MECOM: variants seen among roughly 807,000 people sequenced by gnomAD.
The protein encoded by MECOM is histone-lysine N-methyltransferase MECOM.
Under a neutral mutation model 116.3 loss-of-function variants are expected in MECOM, and 13 were observed. The observed-to-expected ratio is 0.11, with a 90% CI of 0.07 to 0.18. The LOEUF (loss-of-function observed/expected upper bound fraction) is 0.18, where lower values mean the gene tolerates loss of function less well. MECOM is among the 10% of genes least tolerant of loss of function. MECOM has a pLI of 1.00. For synonymous variants in MECOM, 528 were observed against 535.2 expected (o/e 0.99, Z 0.19); for missense variants, 1,299 against 1,509.0 (o/e 0.86, Z 2.31).
rs1776583624 is a variant in MECOM at position 169,663,389 on chromosome 3, C to T, written c.-17G>A. ...GGATCTCATGCTGTGCCCAGTCCTGCAGCCGCTGGTGTGTGGTTGGGGCTT... is the reference window on the plus strand; with the variant it reads ...GGATCTCATGCTGTGCCCAGTCCTGTAGCCGCTGGTGTGTGGTTGGGGCTT... On this transcript the variant is annotated 5_prime_UTR_variant, in exon 1 of 17. Coordinates refer to ENST00000651503, the MANE Select transcript of MECOM (RefSeq NM_004991.4). 1.2e-6 allele frequency: 2 copies of T among 1,608,360 alleles called. No individual in the cohort carries two copies. The highest frequency in any genetic ancestry group is 1.1e-5 in the South Asian group (1 of 89,634).
At chr3:169,152,775 TATTA>T (rs1210580078) in intron 2 of MECOM, among the ~76,000 whole-genome samples, 4 of 152,194 alleles carry the variant, frequency 2.6e-5, no homozygotes, top group Admixed American at 2.0e-4. Context: ...CTTCCTTTCT[TATTA>T]ATTAACTATA....
At chr3:169,247,399 G>A (rs925986390) in intron 2 of MECOM, among the ~76,000 whole-genome samples, 5 of 151,440 alleles carry the variant, frequency 3.3e-5, no homozygotes, top group African/African-American at 7.3e-5. Flanking sequence ...TCCACCTCCC[G>A]CGTTCAAGTG....
intron 1 of MECOM, among the ~76,000 whole-genome samples, chr3:169,442,949 C>T (rs1435769739): frequency 1.3e-5 from 2 of 152,080 alleles, no homozygotes; most frequent in African/African-American, 4.8e-5. Flanking sequence ...TTCCACAGAA[C>T]CTAGTCCAGT....
chr3:169,238,832 T>C (rs966138360), intron 2 of MECOM, among the ~76,000 whole-genome samples: 2 of 152,130 alleles, frequency 1.3e-5, no homozygotes, highest in African/African-American at 4.8e-5. Flanking sequence ...TATGAATATA[T>C]ACATCCACTA....
chr3:169,265,757 C>T (rs1291758280), intron 2 of MECOM, among the ~76,000 whole-genome samples: 1 of 152,152 alleles, frequency 6.6e-6, no homozygotes, highest in African/African-American at 2.4e-5. Flanking sequence ...CCAGTACTTC[C>T]TATGTTTTCT....
chr3:169,185,093 G>A (rs186387051), intron 2 of MECOM, among the ~76,000 whole-genome samples: 36 of 152,276 alleles, frequency 2.4e-4, no homozygotes, highest in African/African-American at 4.6e-4. Flanking sequence ...AAACGGAAAC[G>A]TTCAGGTGGA....
chr3:169,507,281 T>C (rs1036288173), intron 1 of MECOM, among the ~76,000 whole-genome samples: 2 of 152,218 alleles, frequency 1.3e-5, no homozygotes, highest in African/African-American at 4.8e-5. Context: ...TATAAACGCA[T>C]GTAGGTAAAT....
At chr3:169,152,968 C>T (rs1165610626) in intron 2 of MECOM, among the ~76,000 whole-genome samples, 2 of 152,072 alleles carry the variant, frequency 1.3e-5, no homozygotes, top group African/African-American at 4.8e-5. Flanking sequence ...CTGAAACAAC[C>T]GCTCTGGTGA....
intron 2 of MECOM, among the ~76,000 whole-genome samples, chr3:169,272,228 C>T (rs1332749346): frequency 6.6e-6 from 1 of 152,150 alleles, no homozygotes; most frequent in Non-Finnish European, 1.5e-5. Flanking sequence ...CATGAAAGTG[C>T]CTTAGTTCCC....
chr3:169,098,984 C>A (rs1375928951), intron 12 of MECOM, among the ~76,000 whole-genome samples: 1 of 152,106 alleles, frequency 6.6e-6, no homozygotes, highest in Non-Finnish European at 1.5e-5. Context: ...TAAAATCTAT[C>A]TAGTTCACTA....
intron 1 of MECOM, among the ~76,000 whole-genome samples, chr3:169,637,413 C>G (rs1772933932): frequency 6.6e-6 from 1 of 152,022 alleles, no homozygotes; most frequent in Non-Finnish European, 1.5e-5. Flanking sequence ...GGAATCAGAC[C>G]CAACTTGGAG....
Position 169,347,394 on chromosome 3 carries a change from G to A in MECOM, c.375+33793C>T, listed in dbSNP as rs114270247. Among the ~76,000 whole-genome samples, 826 of 151,982 alleles carry A rather than the reference G, an allele frequency of 5.4e-3. 3 individuals carry two copies. Among genetic ancestry groups the A allele is most frequent in the Non-Finnish European group, 9.6e-3 (651 of 67,918 alleles). ...ATTTGAAAGAAAAAGATTTTTGTCC[G>A]CATACACACAATGTCTGTGTGTGTG... On this transcript the variant is annotated intron_variant, in intron 2 of 16. Coordinates refer to ENST00000651503, the MANE Select transcript of MECOM (RefSeq NM_004991.4).
In MECOM at chr3:169,227,178, C is replaced by G. The variant is rs142428286; in HGVS notation, c.376-83346G>C. ...TACACAGTACTAATATTAGCAAGAG[C>G]TCACTAATGGGAAAAAGGACTAGAT... is the stretch of plus-strand genomic sequence containing the variant. On this transcript the variant is annotated intron_variant, in intron 2 of 16. Transcript: ENST00000651503. Among the ~76,000 whole-genome samples, 30 of 152,146 alleles carry G rather than the reference C, an allele frequency of 2.0e-4. No individual in the cohort carries two copies. The East Asian group carries it at 5.6e-3, about 28-fold the overall frequency.
At chr3:169,649,667 T>C (rs1472343347) in intron 1 of MECOM, among the ~76,000 whole-genome samples, 1 of 152,200 alleles carries the variant, frequency 6.6e-6, no homozygotes, top group African/African-American at 2.4e-5. Flanking sequence ...TTCAATTTGA[T>C]TGATCTAACT....
chr3:169,086,121 T>C (rs954589451), intron 16 of MECOM, among the ~76,000 whole-genome samples: 5 of 152,312 alleles, frequency 3.3e-5, no homozygotes, highest in African/African-American at 1.2e-4. Flanking sequence ...TTTACCCTTG[T>C]AGGCTGATTT....
Position 169,114,507 on chromosome 3 carries a change from A to T in MECOM, c.2489+876T>A, listed in dbSNP as rs142540741. Among the ~76,000 whole-genome samples, 91 of 152,314 alleles carry T rather than the reference A, an allele frequency of 6.0e-4. 1 individual carries two copies. The East Asian group carries it at 0.016, about 26-fold the overall frequency. ...AGCACATTTTCTCTTCACGAAAGAG[A>T]ATTAGGCAAAATATGAAAATACTCC... On this transcript the variant is annotated intron_variant, in intron 8 of 16. Coordinates refer to ENST00000651503, the MANE Select transcript of MECOM (RefSeq NM_004991.4).
chr3:169,477,099 GTGTGTGTATATATA>G (rs1398123787), intron 1 of MECOM: 5 of 46,242 alleles, frequency 1.1e-4, no homozygotes, highest in African/African-American at 2.2e-4. Flanking sequence ...GTGTGTGTGT[GTGTGTGTATATATA>G]TATATATATA....
At chr3:169,576,500 G>A (rs963149197) in intron 1 of MECOM, among the ~76,000 whole-genome samples, 9 of 152,104 alleles carry the variant, frequency 5.9e-5, no homozygotes, top group African/African-American at 2.2e-4. Flanking sequence ...CGTAAGGAAG[G>A]TTATGCATAC....
chr3:169,113,110 G>T (rs904680584), intron 8 of MECOM, among the ~76,000 whole-genome samples: 1 of 152,008 alleles, frequency 6.6e-6, no homozygotes, highest in Non-Finnish European at 1.5e-5. Flanking sequence ...ACTAGGAATA[G>T]GAATAACGAG....
Sources: allele counts gnomAD v4.1 joint callset (sites outside exome capture counted in the v4.1 genomes callset), GRCh38; gene constraint gnomAD v4.1.1; transcripts MANE v1.5; gene names NCBI Gene and HGNC (gene_info 2026-07-23, HGNC 2026-07-21).